Variants in CDK2AP1 observed in about 807,000 individuals in gnomAD.
CDK2AP1 encodes cyclin dependent kinase 2 associated protein 1.
CDK2AP1 carries 10 observed loss-of-function variants against 14.1 expected under a neutral mutation model. That is an observed-to-expected ratio of 0.71 (90% CI 0.44 to 1.20). The LOEUF (loss-of-function observed/expected upper bound fraction) is 1.20. CDK2AP1 is among the 50% of genes most tolerant of loss of function. The probability of loss-of-function intolerance (pLI) is 0.00; values close to 1 mark genes in which losing one functional copy is unlikely to be tolerated. For missense variants in CDK2AP1, 102 were observed against 149.9 expected (o/e 0.68, Z 1.67); for synonymous variants, 59 against 59.8 (o/e 0.99, Z 0.06).
chr12:123,271,676 G>C lies in CDK2AP1; in HGVS notation c.-58C>G. On this transcript the variant is annotated 5_prime_UTR_variant, in exon 1 of 4. Transcript: ENST00000261692. ...GGGCCAGGCCGCGAGGGCGGCGGCG[G>C]CGGCGGCGAGGCCGGGCGGTAGCGC... 1 of 698,944 alleles carries C rather than the reference G, an allele frequency of 1.4e-6. No homozygotes were observed. The highest frequency in any genetic ancestry group is 1.8e-6 in the Non-Finnish European group (1 of 570,882). The allele number at this position is 698,944 out of a possible 1,614,324, so 43.3% of individuals were successfully genotyped here. A position where few individuals can be genotyped will look rare whatever the true frequency, so the allele number is the denominator to read the frequency against.
At chr12:123,264,886 C>A (rs1220828633) in intron 3 of CDK2AP1, among the ~76,000 whole-genome samples, 1 of 152,114 alleles carries the variant, frequency 6.6e-6, no homozygotes, top group Non-Finnish European at 1.5e-5. Context: ...GGGTCGGGGG[C>A]AGGGGGCACT....
chr12:123,267,218 A>C lies in CDK2AP1; in HGVS notation c.120T>G (p.Ser40Arg). The C allele has an allele frequency of 6.2e-7, 1 of 1,612,922 alleles. No homozygotes were observed. The highest frequency in any genetic ancestry group is 8.5e-7 in the Non-Finnish European group (1 of 1,179,074). ...ATSSQYRQLL[S>R]DYGPPSLGYT... ...AGCCTAGGGACGGTGGCCCGTAGTC[A>C]CTGAGCAGCTGGCGGTACTGTGAAG... Residue 40 changes from serine (S) to arginine (R), a missense_variant, in exon 2 of 4, where the codon AGT (serine) becomes AGG (arginine). By Grantham distance (110) the Ser-to-Arg change is moderately radical. This residue lies in a region of CDK2AP1 where 52 missense variants were observed against 107.2 expected (regional missense o/e 0.48). Transcript: ENST00000261692.
Position 123,267,191 on chromosome 12 carries a change from G to A in CDK2AP1, c.147C>T (p.Tyr49=), listed in dbSNP as rs558699299. Residue 49 remains tyrosine (Y), a synonymous_variant, in exon 2 of 4, where the codon TAC becomes TAT. Coordinates refer to ENST00000261692, the MANE Select transcript of CDK2AP1 (RefSeq NM_004642.4). ...ATCACCCCCATTGACATACCTGGGTGTAGCCTAGGGACGGTGGCCCGTAGT... is the reference window on the plus strand; with the variant it reads ...ATCACCCCCATTGACATACCTGGGTATAGCCTAGGGACGGTGGCCCGTAGT... ...LSDYGPPSLG[Y]TQGTGNSQVP... is the part of the protein sequence containing the mutation. 6 of 1,593,920 alleles carry A rather than the reference G, an allele frequency of 3.8e-6. No individual in the cohort carries two copies. The highest frequency in any genetic ancestry group is 2.2e-5 in the South Asian group (2 of 90,608).
chr12:123,263,747 G>GT (rs2048258099), intron 3 of CDK2AP1, among the ~76,000 whole-genome samples: 2 of 152,198 alleles, frequency 1.3e-5, no homozygotes, highest in African/African-American at 4.8e-5. Context: ...ACTGGCCCTC[G>GT]TGTCACTGGG....
At chr12:123,271,092 G>A (rs2048349873) in intron 1 of CDK2AP1, 3 of 894,540 alleles carry the variant, frequency 3.4e-6, no homozygotes, top group Non-Finnish European at 2.7e-6. Context: ...GCCCGCGCGG[G>A]TCCTGGCCCT....
At chr12:123,267,083 C>A in intron 2 of CDK2AP1, 102 bp downstream of exon 2, 1 of 787,682 alleles carries the variant, frequency 1.3e-6, no homozygotes, top group Non-Finnish European at 2.3e-6. Context: ...TCCGTCCCAT[C>A]CTTTCTGCTC....
chr12:123,271,543 C>T, intron 1 of CDK2AP1, 21 bp downstream of exon 1: 1 of 997,164 alleles, frequency 1.0e-6, no homozygotes, highest in Non-Finnish European at 1.2e-6. Context: ...GCTTGGGGCG[C>T]GTCGCACGCG....
At chr12:123,263,582 G>C (rs2048256395) in intron 3 of CDK2AP1, among the ~76,000 whole-genome samples, 1 of 152,184 alleles carries the variant, frequency 6.6e-6, no homozygotes, top group African/African-American at 2.4e-5. Flanking sequence ...CTCCAGGCGA[G>C]ACCAGGGTTG....
At chr12:123,263,008 G>A (rs973071419) in intron 3 of CDK2AP1, among the ~76,000 whole-genome samples, 6 of 151,774 alleles carry the variant, frequency 4.0e-5, no homozygotes, top group Non-Finnish European at 7.4e-5. Flanking sequence ...GAGGTCAGGA[G>A]TTTGAGACCA....
intron 3 of CDK2AP1, 186 bp from the exon 4 acceptor site, chr12:123,261,989 G>C (rs2048237420): frequency 1.9e-6 from 1 of 521,174 alleles, no homozygotes; most frequent in East Asian, 3.1e-5. Context: ...CCTCTCTAAA[G>C]CCCTTCCCTC....
At chr12:123,261,894 C>T in intron 3 of CDK2AP1, 91 bp from the exon 4 acceptor site, 2 of 874,234 alleles carry the variant, frequency 2.3e-6, no homozygotes, top group Non-Finnish European at 3.9e-6. Flanking sequence ...CATCCTTCCA[C>T]AGCCTGTCCA....
Position 123,261,764 on chromosome 12 carries a change from G to C in CDK2AP1, c.320C>G (p.Ala107Gly). 6.2e-7 allele frequency: 1 copy of C among 1,613,954 alleles called. No individual in the cohort carries two copies. The highest frequency in any genetic ancestry group is 1.3e-5 in the African/African-American group (1 of 75,042). Residue 107 changes from alanine to glycine, a missense_variant, in exon 4 of 4, where the codon GCA (alanine) becomes GGA (glycine). By Grantham distance (60) the Ala-to-Gly change is moderately conservative. This residue lies in a region of CDK2AP1 where 52 missense variants were observed against 107.2 expected (regional missense o/e 0.48). Coordinates refer to ENST00000261692, the MANE Select transcript of CDK2AP1 (RefSeq NM_004642.4). ...GGATCTGGCATTCCGTTCCGTTTCT[G>C]CCAAGCACTCCCGAACCAGTCCTCT... is the stretch of plus-strand genomic sequence containing the variant. ...HARGLVRECL[A>G]ETERNARS
At chr12:123,262,698 C>G (rs368166669) in intron 3 of CDK2AP1, among the ~76,000 whole-genome samples, 8 of 152,278 alleles carry the variant, frequency 5.3e-5, no homozygotes, top group African/African-American at 1.9e-4. Context: ...ACCTCAGCCT[C>G]CGGAGAAGCT....
At chr12:123,266,528 C>G (rs1478242401) in intron 2 of CDK2AP1, among the ~76,000 whole-genome samples, 1 of 152,254 alleles carries the variant, frequency 6.6e-6, no homozygotes, top group African/African-American at 2.4e-5. Flanking sequence ...GGACCTTCCC[C>G]GGGGCGGCTC....
At position 123,265,492 on chromosome 12, in the gene CDK2AP1, G is replaced by T. The variant is rs563270517; in HGVS notation, c.154-170C>A. 9.2e-4 allele frequency among the ~76,000 whole-genome samples: 131 copies of T among 141,980 alleles called. 2 individuals carry two copies. The South Asian group carries it at 0.02, about 21-fold the overall frequency. The allele number at this position is 141,980 out of a possible 152,430, so 93.1% of individuals were successfully genotyped here. A position where few individuals can be genotyped will look rare whatever the true frequency, so the allele number is the denominator to read the frequency against. On this transcript the variant is annotated intron_variant, in intron 2 of 3. Transcript: ENST00000261692. This position sits in a 1 kb window ranked among gnomAD's most constrained non-coding sequence, Gnocchi z 5.3. ...CACTCCAGCCTGGGCAACAGAGCGA[G>T]ACTCCATCTCGGGGGAAAAAAAAAA...
intron 1 of CDK2AP1, chr12:123,271,022 G>A (rs2048348880): frequency 1.1e-6 from 1 of 950,628 alleles, no homozygotes; most frequent in African/African-American, 1.9e-5. Context: ...GCGACCTCAG[G>A]GCCCCCGGCA....
At chr12:123,271,090 G>C in intron 1 of CDK2AP1, 1 of 896,868 alleles carries the variant, frequency 1.1e-6, no homozygotes, top group South Asian at 4.9e-5. Context: ...CCGCCCGCGC[G>C]GGTCCTGGCC....
chr12:123,266,807 G>C (rs528313879), intron 2 of CDK2AP1, among the ~76,000 whole-genome samples: 37 of 152,352 alleles, frequency 2.4e-4, no homozygotes, highest in Non-Finnish European at 4.1e-4. Context: ...CGCCCGTGGA[G>C]AGCAAGTGGG....
At chr12:123,270,947 G>GC (rs1467645099) in intron 1 of CDK2AP1, 2 of 984,568 alleles carry the variant, frequency 2.0e-6, no homozygotes, top group Non-Finnish European at 2.4e-6. Flanking sequence ...CCCGGCCGAG[G>GC]CCCCCGGGCC....
Sources: gnomAD v4.1 joint callset for allele counts (sites outside exome capture counted in the v4.1 genomes callset) on GRCh38, gnomAD v4.1.1 for gene constraint, gnomAD v4.1.1 regional missense constraint, Gnocchi (gnomAD v3.1) non-coding constraint, MANE v1.5 for transcripts, NCBI Gene and HGNC (gene_info 2026-07-23, HGNC 2026-07-21) for gene names.